Variants in CCDC7 observed in about 807,000 individuals in gnomAD.
CCDC7 encodes coiled-coil domain-containing protein 7.
CCDC7 carries 183 observed loss-of-function variants against 196.9 expected under a neutral mutation model. The observed-to-expected ratio is 0.93, with a 90% CI of 0.82 to 1.05. The LOEUF (loss-of-function observed/expected upper bound fraction) is 1.05, where lower values mean the gene tolerates loss of function less well. Among genes scored for constraint, CCDC7 ranks in the 50% least tolerant of loss-of-function variants. The probability of loss-of-function intolerance (pLI) is 0.00; values close to 1 mark genes in which losing one functional copy is unlikely to be tolerated. For synonymous variants in CCDC7, 525 were observed against 484.6 expected, an observed-to-expected ratio of 1.08 and a Z score of -1.10; for missense variants, 1,540 against 1,482.2, an observed-to-expected ratio of 1.04 and a Z score of -0.64.
intron 24 of CCDC7, among the ~76,000 whole-genome samples, chr10:32,708,310 C>G (rs928389970): frequency 6.6e-6 from 1 of 152,130 alleles, no homozygotes. Context: ...ACAACTTGTA[C>G]AAAAATTAAT....
chr10:32,462,509 A>C lies in CCDC7; in HGVS notation c.457-174A>C, dbSNP rs185487026. Reference sequence around the variant, plus strand: ...AAGTTGTCTATGCAAGGTGAACTAAAAGCACTGTCTGTAAATAAAAAATTT... The same window carrying C: ...AAGTTGTCTATGCAAGGTGAACTAACAGCACTGTCTGTAAATAAAAAATTT... On this transcript the variant is annotated intron_variant, in intron 3 of 41. Transcript: ENST00000639629. Among the ~76,000 whole-genome samples, 692 of 152,294 alleles carry C rather than the reference A, an allele frequency of 4.5e-3. 11 individuals carry two copies. Among genetic ancestry groups the C allele is most frequent in the African/African-American group, 0.016 (668 of 41,568 alleles).
chr10:32,881,952 G>A (rs2094805526), downstream of CCDC7, among the ~76,000 whole-genome samples: 1 of 152,102 alleles, frequency 6.6e-6, no homozygotes, highest in South Asian at 2.1e-4. Context: ...AGGACATAAA[G>A]CTCATAAGCA....
rs76774273 is a variant in CCDC7, at chr10:32,645,358, C to T, written c.2014+10200C>T. On this transcript the variant is annotated intron_variant, in intron 20 of 41. Coordinates refer to ENST00000639629, the Ensembl canonical transcript of CCDC7. The stretch of plus-strand genomic sequence containing the variant: ...TGTGGATATTGAACCATCTGTACTT[C>T]CCTGATATGAATCCCACTCGATCAT... Among the ~76,000 whole-genome samples, 1,204 of 152,182 alleles carry T rather than the reference C, an allele frequency of 7.9e-3. 7 individuals carry two copies. The highest frequency in any genetic ancestry group is 0.02 in the Middle Eastern group (6 of 294).
At chr10:32,621,559 A>T (rs2063415225) in intron 18 of CCDC7, among the ~76,000 whole-genome samples, 1 of 152,154 alleles carries the variant, frequency 6.6e-6, no homozygotes, top group African/African-American at 2.4e-5. Context: ...AAGTCCCATG[A>T]TATGCCATCT....
At chr10:32,711,666 T>A (rs756115545) in exon 25 of CCDC7, 1 of 1,596,318 alleles carries the variant, frequency 6.3e-7, no homozygotes, top group Non-Finnish European at 8.5e-7. Flanking sequence ...AACATCAAGA[T>A]TCAGTGTCAA....
chr10:32,821,004 G>C (rs1482641009), intron 31 of CCDC7, among the ~76,000 whole-genome samples: 1 of 152,084 alleles, frequency 6.6e-6, no homozygotes, highest in Non-Finnish European at 1.5e-5. Context: ...CACAGCAAAG[G>C]AAACTACCAT....
At chr10:32,671,504 C>A (rs1233657353) in intron 21 of CCDC7, among the ~76,000 whole-genome samples, 2 of 152,116 alleles carry the variant, frequency 1.3e-5, no homozygotes, top group Non-Finnish European at 2.9e-5. Flanking sequence ...TTAAGTGACA[C>A]ACATAACTAT....
chr10:32,639,387 C>A (rs879825989), intron 20 of CCDC7, among the ~76,000 whole-genome samples: 8 of 152,032 alleles, frequency 5.3e-5, no homozygotes, highest in Non-Finnish European at 1.0e-4. Flanking sequence ...ATAAATTTCC[C>A]TCTACACACT....
intron 28 of CCDC7, among the ~76,000 whole-genome samples, chr10:32,763,293 C>A (rs1224911755): frequency 1.3e-5 from 2 of 151,724 alleles, no homozygotes; most frequent in East Asian, 3.9e-4. Flanking sequence ...TCAGGGAAAT[C>A]CAAATAAAAA....
chr10:32,774,350 G>A (rs2079626386), intron 28 of CCDC7, among the ~76,000 whole-genome samples: 1 of 150,342 alleles, frequency 6.7e-6, no homozygotes. Flanking sequence ...CACTTTAAAT[G>A]TTCCATGGGA....
chr10:32,562,973 A>AT (rs1271483981), intron 13 of CCDC7, among the ~76,000 whole-genome samples: 2 of 152,178 alleles, frequency 1.3e-5, no homozygotes, highest in Non-Finnish European at 2.9e-5. Context: ...TACAAAATCA[A>AT]TGTGCAAAAA....
At chr10:32,800,304 A>AT (rs1399692521) in intron 29 of CCDC7, among the ~76,000 whole-genome samples, 1 of 152,126 alleles carries the variant, frequency 6.6e-6, no homozygotes, top group Non-Finnish European at 1.5e-5. Context: ...AATGGCTTCC[A>AT]TTTGGCCTTT....
chr10:32,875,121 T>A (rs897413509), intron 41 of CCDC7, among the ~76,000 whole-genome samples: 9 of 152,018 alleles, frequency 5.9e-5, no homozygotes, highest in African/African-American at 2.2e-4. Flanking sequence ...GCTTTATTTT[T>A]GGGTTCTCTA....
At chr10:32,826,367 C>T (rs752524760) in intron 32 of CCDC7, among the ~76,000 whole-genome samples, 33 of 152,200 alleles carry the variant, frequency 2.2e-4, no homozygotes, top group Non-Finnish European at 4.6e-4. Flanking sequence ...ACCTCTTGTC[C>T]TATTACTGGG....
chr10:32,852,893 A>C (rs957946186), intron 40 of CCDC7, among the ~76,000 whole-genome samples: 2 of 152,180 alleles, frequency 1.3e-5, no homozygotes, highest in Non-Finnish European at 2.9e-5. Flanking sequence ...GTTAGAAATT[A>C]TATATGACAA....
chr10:32,711,386 G>A (rs1293986850), intron 24 of CCDC7, among the ~76,000 whole-genome samples: 1 of 151,878 alleles, frequency 6.6e-6, no homozygotes, highest in Non-Finnish European at 1.5e-5. Context: ...GGAAAGTAGA[G>A]ACTAATATAA....
chr10:32,675,806 T>G (rs1328245170), intron 21 of CCDC7: 1 of 152,176 alleles, frequency 6.6e-6, no homozygotes. Context: ...ATGGCCATAC[T>G]GCCCAAGGTA....
exon 6 of CCDC7, chr10:32,471,183 T>G: frequency 6.2e-7 from 1 of 1,612,294 alleles, no homozygotes; most frequent in Non-Finnish European, 8.5e-7. Flanking sequence ...AGAATCGCCT[T>G]AAACAGAGGT....
intron 24 of CCDC7, among the ~76,000 whole-genome samples, chr10:32,702,217 G>T (rs1263758295): frequency 6.6e-6 from 1 of 152,008 alleles, no homozygotes; most frequent in African/African-American, 2.4e-5. Context: ...CTGGTATGTT[G>T]TGCCTTTGTT....
Sources: allele counts gnomAD v4.1 joint callset (sites outside exome capture counted in the v4.1 genomes callset), GRCh38; gene constraint gnomAD v4.1.1; transcripts MANE v1.5; gene names NCBI Gene and HGNC (gene_info 2026-07-23, HGNC 2026-07-21).